Variants in KCNQ1 observed in about 807,000 individuals in gnomAD.
The protein encoded by KCNQ1 is potassium voltage-gated channel subfamily Q member 1.
KCNQ1 carries 49 observed loss-of-function variants against 72.4 expected under a neutral mutation model. The ratio of observed to expected loss-of-function variants is 0.68; its 90% confidence interval spans 0.54 to 0.86. The LOEUF is 0.86. Among genes scored for constraint, KCNQ1 ranks in the 40% least tolerant of loss-of-function variants. KCNQ1 has a pLI of 0.00. For missense variants in KCNQ1, 790 were observed against 945.1 expected (o/e 0.84, Z 2.15); for synonymous variants, 450 against 412.6 (o/e 1.09, Z -1.10).
intron 11 of KCNQ1, among the ~76,000 whole-genome samples, chr11:2,707,071 G>A (rs550430398): frequency 3.9e-5 from 6 of 152,324 alleles, no homozygotes; most frequent in East Asian, 1.9e-4. Flanking sequence ...GACCAGGAGC[G>A]GGGTTCTCAA....
intron 10 of KCNQ1, chr11:2,634,465 G>C (rs764502966): frequency 6.3e-6 from 1 of 157,746 alleles, no homozygotes; most frequent in Non-Finnish European, 1.4e-5. Context: ...TGCTGAGAAT[G>C]ATGGTTTCCA....
Position 2,567,107 on chromosome 11 carries a change from G to A in KCNQ1, c.478-3521G>A, listed in dbSNP as rs1274770172. Among the ~76,000 whole-genome samples, 1 of 152,104 alleles carries A rather than the reference G, an allele frequency of 6.6e-6. No individual in the cohort carries two copies. The highest frequency in any genetic ancestry group is 6.5e-5 in the Admixed American group (1 of 15,272). ...GACTGGGCGGTGAGCCCCTGGGAAG[G>A]AGGCCTCAGGGACAGCCCTAGACTG... On this transcript the variant is annotated intron_variant, in intron 2 of 15. Coordinates refer to ENST00000155840, the MANE Select transcript of KCNQ1 (RefSeq NM_000218.3). The surrounding 1 kb of genome is among the most constrained non-coding windows in gnomAD (Gnocchi z 6.6).
rs1590006900 is a variant in KCNQ1 at position 2,651,896 on chromosome 11, G to T, written c.1394-10065G>T. ...TTCAGGCTGAGGGGGTCATAGCCGA[G>T]GGTCCCTCTGGGGCCGCTTGCTCTC... is the stretch of plus-strand genomic sequence containing the variant. On this transcript the variant is annotated intron_variant, in intron 10 of 15. Transcript: ENST00000155840. The surrounding 1 kb of genome is among the most constrained non-coding windows in gnomAD (Gnocchi z 6.1). 2.5e-6 allele frequency: 1 copy of T among 398,722 alleles called. No homozygotes were observed. Among genetic ancestry groups the T allele is most frequent in the East Asian group, 3.6e-5 (1 of 28,074 alleles). The allele number at this position is 398,722 out of a possible 1,614,324, so 24.7% of individuals were successfully genotyped here.
At chr11:2,554,535 AGGG>A (rs1204778378) in intron 2 of KCNQ1, among the ~76,000 whole-genome samples, 4 of 152,160 alleles carry the variant, frequency 2.6e-5, no homozygotes, top group Non-Finnish European at 5.9e-5. Flanking sequence ...GTGCCCTGAG[AGGG>A]GGCCTGGGCT....
intron 10 of KCNQ1, chr11:2,630,572 A>T: frequency 2.5e-6 from 1 of 398,292 alleles, no homozygotes; most frequent in Non-Finnish European, 4.4e-6. Context: ...AGTAATTTTT[A>T]ATTATTTTTC....
intron 11 of KCNQ1, chr11:2,699,188 C>T: frequency 2.5e-6 from 1 of 398,762 alleles, no homozygotes; most frequent in Non-Finnish European, 4.4e-6. Flanking sequence ...ACCCGGAATC[C>T]GATCCTTGGG....
chr11:2,553,996 C>T (rs548902669), intron 2 of KCNQ1, among the ~76,000 whole-genome samples: 3 of 152,332 alleles, frequency 2.0e-5, no homozygotes, highest in South Asian at 2.1e-4. Flanking sequence ...GGATTACAAG[C>T]GTGAGCCACC....
rs74048609 is a variant in KCNQ1 at position 2,447,351 on chromosome 11, C to T, written c.386+1867C>T. Among the ~76,000 whole-genome samples the T allele has an allele frequency of 0.016, 2,485 of 152,174 alleles. 85 individuals carry two copies. Among genetic ancestry groups the T allele is most frequent in the African/African-American group, 0.057 (2,385 of 41,494 alleles). ...GAAAGGGATGCTTCTGTGAAGTGGC[C>T]AGATCTGGGGCTGGTCCTTTCCAGT... is the stretch of plus-strand genomic sequence containing the variant. On this transcript the variant is annotated intron_variant, in intron 1 of 15. Transcript: ENST00000155840. This position sits in a 1 kb window ranked among gnomAD's most constrained non-coding sequence, Gnocchi z 7.6.
rs1846519807 is a variant in KCNQ1 at position 2,473,349 on chromosome 11, C to T, written c.386+27865C>T. Among the ~76,000 whole-genome samples, 2 of 152,134 alleles carry T rather than the reference C, an allele frequency of 1.3e-5. No homozygotes were observed. Among genetic ancestry groups the T allele is most frequent in the South Asian group, 2.1e-4 (1 of 4,826 alleles). The stretch of plus-strand genomic sequence containing the variant: ...GAGGGTTGGGGACCTCCAGGGCTTC[C>T]ATTCGACCTGAGGCCCATGGTGCAG... On this transcript the variant is annotated intron_variant, in intron 1 of 15. Coordinates refer to ENST00000155840, the MANE Select transcript of KCNQ1 (RefSeq NM_000218.3). The surrounding 1 kb of genome is among the most constrained non-coding windows in gnomAD (Gnocchi z 6.0).
intron 5 of KCNQ1, 67 bp downstream of exon 5, chr11:2,572,176 A>G (rs752517945): frequency 2.7e-5 from 33 of 1,227,468 alleles, no homozygotes; most frequent in Non-Finnish European, 3.8e-5. Context: ...AGAGCAGCCC[A>G]CACTAGGACA....
Position 2,768,774 on chromosome 11 carries a change from T to A in KCNQ1, c.1515-70T>A. 1 of 1,183,372 alleles carries A rather than the reference T, an allele frequency of 8.5e-7. No individual in the cohort carries two copies. Among genetic ancestry groups the A allele is most frequent in the Non-Finnish European group, 1.3e-6 (1 of 786,930 alleles). The allele number at this position is 1,183,372 out of a possible 1,614,324, so 73.3% of individuals were successfully genotyped here. A position where few individuals can be genotyped will look rare whatever the true frequency, so the allele number is the denominator to read the frequency against. ...TCCAGTCTGCGTGCTCCTCAGGCAG[T>A]GCAGGGGCAGTGAGGGGATGACCAG... is the stretch of plus-strand genomic sequence containing the variant. On this transcript the variant is annotated intron_variant, in intron 11 of 15. Coordinates refer to ENST00000155840, the MANE Select transcript of KCNQ1 (RefSeq NM_000218.3). This position sits in a 1 kb window ranked among gnomAD's most constrained non-coding sequence, Gnocchi z 6.7.
rs1005392260 is a variant in KCNQ1 at position 2,523,573 on chromosome 11, C to T, written c.387-4355C>T. Among the ~76,000 whole-genome samples the T allele has an allele frequency of 5.3e-5, 8 of 152,088 alleles. No homozygotes were observed. The South Asian group carries it at 1.0e-3, about 20-fold the overall frequency. Reference sequence around the variant, plus strand: ...ATGGACGGCTGTCACCCAAACAGCACGAGAATCGAAAAGCCGTGATGGCAG... The same window carrying T: ...ATGGACGGCTGTCACCCAAACAGCATGAGAATCGAAAAGCCGTGATGGCAG... On this transcript the variant is annotated intron_variant, in intron 1 of 15. Coordinates refer to ENST00000155840, the MANE Select transcript of KCNQ1 (RefSeq NM_000218.3).
rs910051796 is a variant in KCNQ1, at chr11:2,676,513, C to T, written c.1514+14432C>T. 7 of 398,594 alleles carry T rather than the reference C, an allele frequency of 1.8e-5. No homozygotes were observed. The highest frequency in any genetic ancestry group is 3.1e-5 in the Non-Finnish European group (7 of 226,076). The allele number at this position is 398,594 out of a possible 1,614,324, so 24.7% of individuals were successfully genotyped here. ...GTTCCATTTCTGGTGAACACTTGGA[C>T]TTGGCAAAAGGCATAGAGGTAGTGG... On this transcript the variant is annotated intron_variant, in intron 11 of 15. Coordinates refer to ENST00000155840, the MANE Select transcript of KCNQ1 (RefSeq NM_000218.3). The surrounding 1 kb of genome is among the most constrained non-coding windows in gnomAD (Gnocchi z 4.2).
chr11:2,828,837 G>C lies in KCNQ1; in HGVS notation c.1795-18930G>C, dbSNP rs1847889419. On this transcript the variant is annotated intron_variant, in intron 15 of 15. Coordinates refer to ENST00000155840, the MANE Select transcript of KCNQ1 (RefSeq NM_000218.3). This position sits in a 1 kb window ranked among gnomAD's most constrained non-coding sequence, Gnocchi z 5.3. Reference sequence around the variant, plus strand: ...CCGGTGGGGCACACCATTGTTTTCAGAACACCAGCAATAAAGCAGACACTC... The same window carrying C: ...CCGGTGGGGCACACCATTGTTTTCACAACACCAGCAATAAAGCAGACACTC... Among the ~76,000 whole-genome samples, 1 of 152,172 alleles carries C rather than the reference G, an allele frequency of 6.6e-6. No individual in the cohort carries two copies. Among genetic ancestry groups the C allele is most frequent in the Non-Finnish European group, 1.5e-5 (1 of 68,036 alleles).
At chr11:2,846,090 C>A (rs1243336463) in intron 15 of KCNQ1, among the ~76,000 whole-genome samples, 2 of 152,150 alleles carry the variant, frequency 1.3e-5, no homozygotes, top group African/African-American at 4.8e-5. Flanking sequence ...AGCCCTGGCC[C>A]ACACCTCACC....
rs183080145 is a variant in KCNQ1, at chr11:2,683,328, C to T, written c.1514+21247C>T. 8.5e-5 allele frequency: 34 copies of T among 398,582 alleles called. No homozygotes were observed. Among genetic ancestry groups the T allele is most frequent in the East Asian group, 7.1e-4 (20 of 28,080 alleles). The allele number at this position is 398,582 out of a possible 1,614,324, so 24.7% of individuals were successfully genotyped here. Reference sequence around the variant, plus strand: ...AGACACATAGAGGCCAGGTTTCCCCCGCTCAACACTAGGCCACTGTGCCTG... The same window carrying T: ...AGACACATAGAGGCCAGGTTTCCCCTGCTCAACACTAGGCCACTGTGCCTG... On this transcript the variant is annotated intron_variant, in intron 11 of 15. Transcript: ENST00000155840. This position sits in a 1 kb window ranked among gnomAD's most constrained non-coding sequence, Gnocchi z 4.7.
chr11:2,596,921 T>C (rs999077513), intron 10 of KCNQ1, among the ~76,000 whole-genome samples: 3 of 151,928 alleles, frequency 2.0e-5, no homozygotes, highest in Non-Finnish European at 2.9e-5. Flanking sequence ...AAAAACATAC[T>C]GAAAATAATT....
chr11:2,738,595 C>T lies in KCNQ1; in HGVS notation c.1515-30249C>T, dbSNP rs561242796. Among the ~76,000 whole-genome samples the T allele has an allele frequency of 9.2e-5, 14 of 152,294 alleles. No homozygotes were observed. In the South Asian group the frequency reaches 2.7e-3, roughly 29 times the overall value. ...GCTGGAGGAGGCCAAGTCAGCCTGTCCCATCCCTCCTGGGCCCCCGAGTCA... is the reference window on the plus strand; with the variant it reads ...GCTGGAGGAGGCCAAGTCAGCCTGTTCCATCCCTCCTGGGCCCCCGAGTCA... On this transcript the variant is annotated intron_variant, in intron 11 of 15. Transcript: ENST00000155840.
Position 2,572,927 on chromosome 11 carries a change from G to A in KCNQ1, c.862G>A (p.Val288Met), listed in dbSNP as rs946704016. The change falls in exon 6 of 16, where the codon GTG becomes ATG. Residue 288 changes from valine (V) to methionine (M), a missense_variant. By Grantham distance (21) the Val-to-Met change is conservative. Transcript: ENST00000155840. Reference protein sequence around the residue: ...YFVYLAEKDAVNESGRVEFGS... With the variant: ...YFVYLAEKDAMNESGRVEFGS... ...TGTGTACCTGGCTGAGAAGGACGCG[G>A]TGAACGAGTCAGGCCGCGTGGAGTT... 3 of 1,613,816 alleles carry A rather than the reference G, an allele frequency of 1.9e-6. No homozygotes were observed. The highest frequency in any genetic ancestry group is 1.7e-6 in the Non-Finnish European group (2 of 1,180,010).
Sources: gnomAD v4.1 joint callset for allele counts (sites outside exome capture counted in the v4.1 genomes callset) on GRCh38, gnomAD v4.1.1 for gene constraint, Gnocchi (gnomAD v3.1) non-coding constraint, MANE v1.5 for transcripts, NCBI Gene and HGNC (gene_info 2026-07-23, HGNC 2026-07-21) for gene names.